Variants in CAPRIN1 observed in about 807,000 individuals in gnomAD.
CAPRIN1 encodes caprin-1.
CAPRIN1 carries 29 observed loss-of-function variants against 100.9 expected under a neutral mutation model. That is an observed-to-expected ratio of 0.29 (90% confidence interval 0.21 to 0.39). CAPRIN1 has a LOEUF of 0.39. CAPRIN1 is among the 10% of genes least tolerant of loss of function. The pLI, the probability that CAPRIN1 is intolerant of heterozygous loss-of-function variation, is 1.00. For missense variants in CAPRIN1, 795 were observed against 876.7 expected, an observed-to-expected ratio of 0.91 and a Z score of 1.18; for synonymous variants, 338 against 307.5, an observed-to-expected ratio of 1.10 and a Z score of -1.04.
chr11:34,093,965 T>G (rs80184877), intron 15 of CAPRIN1, among the ~76,000 whole-genome samples: 167 of 2,704 alleles, frequency 0.062, 1 homozygote, highest in East Asian at 0.5. Flanking sequence ...GCTTTTTCTA[T>G]TTTTTTAAAA....
At position 34,083,613 on chromosome 11, in the gene CAPRIN1, C is replaced by T. The variant is rs114545715; in HGVS notation, c.966+572C>T. ...TTGTACTTGAGGCTCTCAGTGATGC[C>T]TTGTTACCTGTAAGATACAGTCTAA... On this transcript the variant is annotated intron_variant, in intron 9 of 18. Transcript: ENST00000341394. Among the ~76,000 whole-genome samples the T allele has an allele frequency of 6.1e-3, 936 of 152,304 alleles. 14 individuals carry two copies. The highest frequency in any genetic ancestry group is 0.021 in the African/African-American group (891 of 41,558).
intron 14 of CAPRIN1, among the ~76,000 whole-genome samples, chr11:34,091,257 C>G (rs1478676705): frequency 1.3e-5 from 2 of 152,188 alleles, no homozygotes; most frequent in South Asian, 4.1e-4. Context: ...GAACAAACTT[C>G]TGTAAGTGGT....
chr11:34,055,236 T>C (rs963713177), intron 2 of CAPRIN1, among the ~76,000 whole-genome samples: 1 of 152,082 alleles, frequency 6.6e-6, no homozygotes, highest in African/African-American at 2.4e-5. Flanking sequence ...TGATCTTGGC[T>C]TCCTGCAACC....
intron 1 of CAPRIN1, chr11:34,052,178 G>A (rs1850323651): frequency 1.3e-5 from 2 of 150,746 alleles, no homozygotes; most frequent in African/African-American, 4.9e-5. Flanking sequence ...CCGAGCCGGC[G>A]GCTCCGCGGG....
intron 4 of CAPRIN1, among the ~76,000 whole-genome samples, chr11:34,073,861 C>G (rs941867412): frequency 1.3e-5 from 2 of 152,174 alleles, no homozygotes; most frequent in East Asian, 3.9e-4. Context: ...TGCCTGAGAC[C>G]GGATAATTTA....
intron 4 of CAPRIN1, 133 bp from the exon 5 acceptor site, chr11:34,076,103 A>G (rs1850901569): frequency 3.2e-6 from 2 of 629,534 alleles, no homozygotes; most frequent in Non-Finnish European, 5.6e-6. Context: ...TAAGTCAGGA[A>G]TCATCCTTTT....
At chr11:34,059,171 G>C (rs1166055478) in intron 2 of CAPRIN1, among the ~76,000 whole-genome samples, 4 of 152,128 alleles carry the variant, frequency 2.6e-5, no homozygotes, top group Non-Finnish European at 5.9e-5. Flanking sequence ...CAAACTTCCT[G>C]AGGAAAGGGG....
chr11:34,060,565 C>T (rs1464601967), intron 2 of CAPRIN1, among the ~76,000 whole-genome samples: 1 of 152,198 alleles, frequency 6.6e-6, no homozygotes, highest in Non-Finnish European at 1.5e-5. Context: ...CATTAAAAAA[C>T]CCTTTGGGCT....
At chr11:34,098,274 CTATTAGTGATA>C (rs1361293526) in intron 18 of CAPRIN1, 22 of 984,506 alleles carry the variant, frequency 2.2e-5, no homozygotes, top group Non-Finnish European at 2.5e-5. Context: ...TTTTGGACCT[CTATTAGTGATA>C]TAAATATCAA....
chr11:34,080,147 T>A (rs1453854307), intron 7 of CAPRIN1, among the ~76,000 whole-genome samples: 1 of 152,042 alleles, frequency 6.6e-6, no homozygotes, highest in African/African-American at 2.4e-5. Context: ...ATGGTCTCGA[T>A]CCCTTGACCT....
At chr11:34,053,559 A>G (rs1850381219) in intron 2 of CAPRIN1, 3 of 151,710 alleles carry the variant, frequency 2.0e-5, no homozygotes, top group Non-Finnish European at 2.9e-5. Context: ...GGCAGAGACC[A>G]GGCAGCCGCC....
intron 2 of CAPRIN1, among the ~76,000 whole-genome samples, chr11:34,062,407 C>T (rs1322329540): frequency 2.0e-5 from 3 of 152,036 alleles, no homozygotes; most frequent in South Asian, 2.1e-4. Flanking sequence ...GGGCGGATCA[C>T]GAGGTCAGGA....
At chr11:34,088,408 C>G (rs568158736) in intron 11 of CAPRIN1, among the ~76,000 whole-genome samples, 2 of 152,234 alleles carry the variant, frequency 1.3e-5, no homozygotes, top group African/African-American at 4.8e-5. Context: ...TGCCTGTAAT[C>G]TCAGTGCTTT....
rs1478381309 is a variant in CAPRIN1 at position 34,097,715 on chromosome 11, T to C, written c.2019T>C (p.Asn673=). 2 of 1,614,112 alleles carry C rather than the reference T, an allele frequency of 1.2e-6. No individual in the cohort carries two copies. The highest frequency in any genetic ancestry group is 1.7e-6 in the Non-Finnish European group (2 of 1,179,976). Residue 673 remains asparagine (N), a synonymous_variant, in exon 18 of 19, where the codon AAT becomes AAC. Transcript: ENST00000341394. ...TCTTTTAGGATGGATATCAGCAGAATTTCAAGCGAGGCTCTGGGCAGAGTG... is the reference window on the plus strand; with the variant it reads ...TCTTTTAGGATGGATATCAGCAGAACTTCAAGCGAGGCTCTGGGCAGAGTG... ...SGYQRDGYQQ[N]FKRGSGQSGP...
chr11:34,083,120 A>T, intron 9 of CAPRIN1, 79 bp downstream of exon 9: 2 of 972,642 alleles, frequency 2.1e-6, no homozygotes, highest in South Asian at 2.7e-5. Flanking sequence ...ACAAATTAAG[A>T]TTGTTTTTTG....
rs146252843 is a variant in CAPRIN1, at chr11:34,059,708, C to G, written c.216+7072C>G. On this transcript the variant is annotated intron_variant, in intron 2 of 18. Coordinates refer to ENST00000341394, the MANE Select transcript of CAPRIN1 (RefSeq NM_005898.5). ...AATCATTACATAGAAATATCTGTAGCTTCATTAACAACCCTGTTAAAATGG... is the reference window on the plus strand; with the variant it reads ...AATCATTACATAGAAATATCTGTAGGTTCATTAACAACCCTGTTAAAATGG... Among the ~76,000 whole-genome samples the G allele has an allele frequency of 6.1e-3, 929 of 152,144 alleles. 12 individuals are homozygous for G. The highest frequency in any genetic ancestry group is 0.021 in the African/African-American group (883 of 41,500).
At chr11:34,085,657 A>T (rs1026333540) in intron 9 of CAPRIN1, among the ~76,000 whole-genome samples, 4 of 152,102 alleles carry the variant, frequency 2.6e-5, no homozygotes, top group Non-Finnish European at 2.9e-5. Flanking sequence ...TACAAAAATT[A>T]GCCGGGTGTG....
intron 18 of CAPRIN1, chr11:34,098,443 A>G (rs996476539): frequency 1.7e-5 from 17 of 985,432 alleles, no homozygotes; most frequent in South Asian, 4.7e-5. Context: ...CTATTTAACA[A>G]TTAGAGCTAG....
intron 2 of CAPRIN1, 26 bp downstream of exon 2, chr11:34,052,662 G>T: frequency 6.3e-7 from 1 of 1,582,222 alleles, no homozygotes; most frequent in Non-Finnish European, 8.6e-7. Flanking sequence ...GGGGAAGGGA[G>T]GGGTGGCTGC....
Sources: allele counts gnomAD v4.1 joint callset (sites outside exome capture counted in the v4.1 genomes callset), GRCh38; gene constraint gnomAD v4.1.1; transcripts MANE v1.5; gene names NCBI Gene and HGNC (gene_info 2026-07-23, HGNC 2026-07-21).